The following TENM4 variants were observed in gnomAD, a reference collection of about 807,000 sequenced individuals.
TENM4 encodes the protein teneurin transmembrane protein 4.
TENM4 carries 82 observed loss-of-function variants against 243.3 expected under a neutral mutation model. The observed-to-expected ratio is 0.34, with a 90% CI of 0.28 to 0.40. The LOEUF (loss-of-function observed/expected upper bound fraction) is 0.40. TENM4 is among the 10% of genes least tolerant of loss of function. The pLI, the probability that TENM4 is intolerant of heterozygous loss-of-function variation, is 1.00. For synonymous variants in TENM4, 1,412 were observed against 1,456.3 expected, an observed-to-expected ratio of 0.97 and a Z score of 0.69; for missense variants, 3,138 against 3,673.3, an observed-to-expected ratio of 0.85 and a Z score of 3.77.
chr11:79,288,074 A>G lies in TENM4; in HGVS notation c.-265+9414T>C, dbSNP rs1856288654. Among the ~76,000 whole-genome samples the G allele has an allele frequency of 2.0e-5, 3 of 152,236 alleles. No homozygotes were observed. The South Asian group carries it at 6.2e-4, about 32-fold the overall frequency. ...TCTCTACCAAATACCTCTTCCTTGA[A>G]GGAGAAGGATGGTAGATATAGGCAC... On this transcript the variant is annotated intron_variant, in intron 2 of 33. Transcript: ENST00000278550.
At chr11:79,218,527 C>G (rs1394883172) in intron 2 of TENM4, among the ~76,000 whole-genome samples, 1 of 152,114 alleles carries the variant, frequency 6.6e-6, no homozygotes, top group African/African-American at 2.4e-5. Flanking sequence ...CATCATCTCT[C>G]CCTTCCCCTC....
At chr11:78,921,399 T>A (rs1377800924) in intron 6 of TENM4, among the ~76,000 whole-genome samples, 1 of 152,240 alleles carries the variant, frequency 6.6e-6, no homozygotes, top group Non-Finnish European at 1.5e-5. Flanking sequence ...TACAACTCTG[T>A]TTTTCTCTCT....
intron 1 of TENM4, among the ~76,000 whole-genome samples, chr11:79,327,610 T>A (rs11237789): frequency 6.7e-6 from 1 of 149,220 alleles, no homozygotes; most frequent in Non-Finnish European, 1.5e-5. Flanking sequence ...TTGCCCCAAA[T>A]CACTTATAGC....
intron 1 of TENM4, among the ~76,000 whole-genome samples, chr11:79,347,526 G>C (rs1857344585): frequency 6.6e-6 from 1 of 152,172 alleles, no homozygotes; most frequent in African/African-American, 2.4e-5. Flanking sequence ...GGGGCTCAGT[G>C]CCTCCCCAGG....
In TENM4 at chr11:78,670,219, C is replaced by A. The variant is rs370235815; in HGVS notation, c.6126G>T (p.Lys2042Asn). 6.2e-7 allele frequency: 1 copy of A among 1,613,806 alleles called. No individual in the cohort carries two copies. Among genetic ancestry groups the A allele is most frequent in the African/African-American group, 1.3e-5 (1 of 74,904 alleles). Residue 2042 changes from lysine to asparagine, a missense_variant, in exon 32 of 34, where the codon AAG becomes AAT. Coordinates refer to ENST00000278550, the MANE Select transcript of TENM4 (RefSeq NM_001098816.3). ...AGCCCTCATTCTGTAGGTTGATGGT[C>A]TTCAGCATGCCTGCCGTCTCGTCAT... ...FTYDETAGML[K>N]TINLQNEGFT...
intron 6 of TENM4, among the ~76,000 whole-genome samples, chr11:78,913,871 T>C (rs1856254768): frequency 6.6e-6 from 1 of 152,158 alleles, no homozygotes; most frequent in Admixed American, 6.5e-5. Flanking sequence ...TTTCCCTGGC[T>C]TCCTTGGATG....
intron 12 of TENM4, among the ~76,000 whole-genome samples, chr11:78,830,498 TCAGCACCCTCC>T (rs1250695561): frequency 6.6e-6 from 1 of 152,172 alleles, no homozygotes; most frequent in East Asian, 1.9e-4. Flanking sequence ...GAAGAACAGA[TCAGCACCCTCC>T]CAGGGAGCAG....
At chr11:79,003,720 C>A (rs763978274) in intron 6 of TENM4, among the ~76,000 whole-genome samples, 2 of 152,044 alleles carry the variant, frequency 1.3e-5, no homozygotes, top group African/African-American at 4.8e-5. Context: ...AGATGACCAT[C>A]CCCAAAGGTC....
chr11:79,326,928 A>T (rs562408507), intron 1 of TENM4, among the ~76,000 whole-genome samples: 14 of 152,368 alleles, frequency 9.2e-5, no homozygotes, highest in African/African-American at 2.2e-4. Flanking sequence ...ACAAATGAGT[A>T]AAAAAGAAAG....
Position 78,661,489 on chromosome 11 carries a change from A to T in TENM4, c.7511T>A (p.Ile2504Asn), listed in dbSNP as rs749378766. The change falls in exon 33 of 34, where the codon ATC becomes AAC. Residue 2504 changes from isoleucine (I) to asparagine (N), a missense_variant. Around this residue, in one of 2 missense-constraint regions of TENM4, gnomAD observed 2,467 missense variants for 3,059.1 expected, o/e 0.81. Coordinates refer to ENST00000278550, the MANE Select transcript of TENM4 (RefSeq NM_001098816.3). The stretch of plus-strand genomic sequence containing the variant: ...CTCCTGCGTTTTCATCTGTGTGTGG[A>T]TGAGCTCGTAGGAGGGTTCCATGGC... Reference protein sequence around the residue: ...MDAMEPSYELIHTQMKTQEWD... With the variant: ...MDAMEPSYELNHTQMKTQEWD... 3 of 1,611,458 alleles carry T rather than the reference A, an allele frequency of 1.9e-6. No homozygotes were observed. The highest frequency in any genetic ancestry group is 1.7e-6 in the Non-Finnish European group (2 of 1,178,908).
At chr11:79,038,142 C>T (rs1280844636) in intron 6 of TENM4, among the ~76,000 whole-genome samples, 1 of 152,202 alleles carries the variant, frequency 6.6e-6, no homozygotes, top group Non-Finnish European at 1.5e-5. Context: ...TCCCAATATC[C>T]AGCATAGGGC....
intron 12 of TENM4, among the ~76,000 whole-genome samples, chr11:78,817,168 G>T (rs1370353572): frequency 6.6e-6 from 1 of 152,208 alleles, no homozygotes; most frequent in Admixed American, 6.5e-5. Context: ...CAGAGGGAAG[G>T]CTTCTCAGAG....
chr11:79,164,957 A>ATATATATG (rs1555020448), intron 3 of TENM4, among the ~76,000 whole-genome samples: 27 of 139,862 alleles, frequency 1.9e-4, no homozygotes, highest in Admixed American at 1.1e-3. Flanking sequence ...CTATATATAT[A>ATATATATG]TGTGTGTGTG....
At chr11:79,365,992 T>G (rs1857669046) in intron 1 of TENM4, among the ~76,000 whole-genome samples, 2 of 152,214 alleles carry the variant, frequency 1.3e-5, no homozygotes, top group Non-Finnish European at 2.9e-5. Context: ...AGAGAGCCCA[T>G]GCTTAGGTCA....
Position 78,711,129 on chromosome 11 carries a change from C to G in TENM4, c.4054+1353G>C, listed in dbSNP as rs1160079672. Reference sequence around the variant, plus strand: ...TTCTTTCCACTCCTGGCTACTCTCTCAGTATTTGAAAATCATAATTAGGCG... The same window carrying G: ...TTCTTTCCACTCCTGGCTACTCTCTGAGTATTTGAAAATCATAATTAGGCG... On this transcript the variant is annotated intron_variant, in intron 26 of 33. Coordinates refer to ENST00000278550, the MANE Select transcript of TENM4 (RefSeq NM_001098816.3). 2.0e-5 allele frequency among the ~76,000 whole-genome samples: 3 copies of G among 152,126 alleles called. No homozygotes were observed. In the East Asian group the frequency reaches 5.8e-4, roughly 29 times the overall value.
In TENM4 at chr11:78,701,715, C is replaced by T. The variant is rs1332823308; in HGVS notation, c.4898G>A (p.Arg1633Gln). 6 of 1,613,992 alleles carry T rather than the reference C, an allele frequency of 3.7e-6. No individual in the cohort carries two copies. The highest frequency in any genetic ancestry group is 1.1e-5 in the South Asian group (1 of 91,056). ...CCAGAGGGGCATCCCAGTAGAGTCTCGGCGGACATTTACCATGTTGCCATT... is the reference window on the plus strand; with the variant it reads ...CCAGAGGGGCATCCCAGTAGAGTCTTGGCGGACATTTACCATGTTGCCATT... ...DNNGNMVNVR[R>Q]DSTGMPLWLV... Residue 1633 changes from arginine to glutamine, a missense_variant, in exon 28 of 34, where the codon CGA becomes CAA. Transcript: ENST00000278550.
intron 2 of TENM4, among the ~76,000 whole-genome samples, chr11:79,266,588 G>C (rs922151656): frequency 2.2e-4 from 33 of 152,176 alleles, no homozygotes; most frequent in African/African-American, 6.8e-4. Flanking sequence ...ATCAGTAGAG[G>C]CTCCCTTAAC....
chr11:78,878,511 G>A (rs113874542), intron 9 of TENM4, among the ~76,000 whole-genome samples: 15 of 152,220 alleles, frequency 9.9e-5, no homozygotes, highest in African/African-American at 3.6e-4. Context: ...TCTTGAGAAA[G>A]AACTGATTGG....
intron 6 of TENM4, among the ~76,000 whole-genome samples, chr11:78,913,146 C>T (rs1422425558): frequency 6.6e-6 from 1 of 152,158 alleles, no homozygotes; most frequent in African/African-American, 2.4e-5. Context: ...TGTGACTGGG[C>T]ACCAAACAAG....
Sources: allele counts gnomAD v4.1 joint callset (sites outside exome capture counted in the v4.1 genomes callset), GRCh38; gene constraint gnomAD v4.1.1; regional missense constraint gnomAD v4.1.1; transcripts MANE v1.5; gene names NCBI Gene and HGNC (gene_info 2026-07-23, HGNC 2026-07-21).